The following JPH1 variants were observed in gnomAD, a reference collection of about 807,000 sequenced individuals.
The protein encoded by JPH1 is junctophilin 1.
JPH1 carries 12 observed loss-of-function variants against 53.6 expected under a neutral mutation model. That is an observed-to-expected ratio of 0.22 (90% confidence interval 0.14 to 0.36). The LOEUF (loss-of-function observed/expected upper bound fraction) is 0.36. JPH1 is among the 10% of genes least tolerant of loss of function. JPH1 has a pLI of 1.00. For missense variants in JPH1, 808 were observed against 905.5 expected, an observed-to-expected ratio of 0.89 and a Z score of 1.38; for synonymous variants, 375 against 363.8, an observed-to-expected ratio of 1.03 and a Z score of -0.35.
chr8:74,287,696 G>A (rs186773670), intron 2 of JPH1, among the ~76,000 whole-genome samples: 13 of 151,104 alleles, frequency 8.6e-5, no homozygotes, highest in Admixed American at 2.0e-4. Context: ...GGCAGAAAGC[G>A]GAGACTTTTA....
At chr8:74,255,125 C>T (rs1177427278) in intron 3 of JPH1, among the ~76,000 whole-genome samples, 17 of 152,096 alleles carry the variant, frequency 1.1e-4, no homozygotes, top group East Asian at 5.8e-4. Flanking sequence ...GGAGGCATCA[C>T]GCTACCTGAC....
In JPH1 at chr8:74,315,307, G is replaced by T. The variant is rs764102588; in HGVS notation, c.693C>A (p.Ser231=). 2 of 1,613,938 alleles carry T rather than the reference G, an allele frequency of 1.2e-6. No individual in the cohort carries two copies. Among genetic ancestry groups the T allele is most frequent in the Non-Finnish European group, 1.7e-6 (2 of 1,180,030 alleles). Residue 231 remains serine (S), a synonymous_variant, in exon 2 of 6, where the codon TCC becomes TCA. Coordinates refer to ENST00000342232, the MANE Select transcript of JPH1 (RefSeq NM_020647.4). The surrounding 1 kb of genome is among the most constrained non-coding windows in gnomAD (Gnocchi z 6.3). ...GGACAGAGCTGCGCTTGCTCGAGAT[G>T]GAAGACTTGGATTCGGACTTGCGAA... The part of the protein sequence containing the change: ...MKLRKSESKS[S]ISSKRSSVRS...
In JPH1 at chr8:74,278,956, C is replaced by G. The variant is rs190656395; in HGVS notation, c.1140-19453G>C. ...TGTAAATTATGAAGCAAGACAGACACACACACACACAGAAACACACACGCA... is the reference window on the plus strand; with the variant it reads ...TGTAAATTATGAAGCAAGACAGACAGACACACACACAGAAACACACACGCA... On this transcript the variant is annotated intron_variant, in intron 2 of 5. Transcript: ENST00000342232. Among the ~76,000 whole-genome samples, 636 of 150,694 alleles carry G rather than the reference C, an allele frequency of 4.2e-3. 7 individuals carry two copies. Among genetic ancestry groups the G allele is most frequent in the African/African-American group, 0.015 (612 of 40,624 alleles).
At chr8:74,245,229 AT>A in intron 3 of JPH1, 54 bp from the exon 4 acceptor site, 1 of 1,452,388 alleles carries the variant, frequency 6.9e-7, no homozygotes, top group African/African-American at 1.4e-5. Flanking sequence ...ATATACATAT[AT>A]TTTGCTAAAT....
intron 2 of JPH1, among the ~76,000 whole-genome samples, chr8:74,296,597 A>C (rs1346458907): frequency 6.6e-6 from 1 of 152,252 alleles, no homozygotes; most frequent in Non-Finnish European, 1.5e-5. Context: ...TCAAAATGTC[A>C]TGAGAAAATC....
At chr8:74,276,781 T>C (rs1806861443) in intron 2 of JPH1, among the ~76,000 whole-genome samples, 1 of 152,218 alleles carries the variant, frequency 6.6e-6, no homozygotes, top group Non-Finnish European at 1.5e-5. Flanking sequence ...ATTCTGTCTG[T>C]AAATCCTTGG....
chr8:74,291,284 A>G (rs1437081409), intron 2 of JPH1, among the ~76,000 whole-genome samples: 1 of 152,232 alleles, frequency 6.6e-6, no homozygotes, highest in Non-Finnish European at 1.5e-5. Flanking sequence ...CAAATTTACA[A>G]GAAAAAATCA....
chr8:74,313,720 T>C (rs1200387351), intron 2 of JPH1, among the ~76,000 whole-genome samples: 1 of 152,114 alleles, frequency 6.6e-6, no homozygotes, highest in African/African-American at 2.4e-5. Flanking sequence ...CATGCTAACA[T>C]TTTGTGGTTT....
chr8:74,302,809 C>T (rs1807720868), intron 2 of JPH1, among the ~76,000 whole-genome samples: 1 of 152,160 alleles, frequency 6.6e-6, no homozygotes, highest in South Asian at 2.1e-4. Context: ...CTTTTAATGA[C>T]AGGTTTTGTT....
At chr8:74,313,974 G>A (rs2131464025) in intron 2 of JPH1, among the ~76,000 whole-genome samples, 2 of 152,164 alleles carry the variant, frequency 1.3e-5, no homozygotes, top group African/African-American at 4.8e-5. Context: ...CTGGATCCCT[G>A]AAACCAGCTA....
chr8:74,276,289 G>A (rs534364371), intron 2 of JPH1, among the ~76,000 whole-genome samples: 3 of 152,330 alleles, frequency 2.0e-5, no homozygotes, highest in East Asian at 3.9e-4. Context: ...ATAGGACCGT[G>A]CTCCACTCAT....
chr8:74,251,488 C>A (rs1398757873), intron 3 of JPH1, among the ~76,000 whole-genome samples: 2 of 152,192 alleles, frequency 1.3e-5, no homozygotes, highest in Admixed American at 6.5e-5. Context: ...GGTTTCTGTG[C>A]ATGTACACAG....
chr8:74,259,361 C>T (rs1806324726), intron 3 of JPH1, 24 bp downstream of exon 3: 4 of 1,537,450 alleles, frequency 2.6e-6, no homozygotes, highest in Non-Finnish European at 2.7e-6. Flanking sequence ...TCCTGCCTCA[C>T]CCATCAAAGG....
chr8:74,273,658 A>G (rs1056427439), intron 2 of JPH1, among the ~76,000 whole-genome samples: 5 of 152,236 alleles, frequency 3.3e-5, no homozygotes, highest in Admixed American at 3.3e-4. Context: ...CATGGCTTAA[A>G]AATGTCTCCT....
intron 2 of JPH1, among the ~76,000 whole-genome samples, chr8:74,295,086 G>GC (rs1263439206): frequency 1.3e-5 from 2 of 152,180 alleles, no homozygotes; most frequent in Non-Finnish European, 2.9e-5. Flanking sequence ...ACAAATGAGA[G>GC]CTCCTAATCC....
At chr8:74,250,409 A>G (rs1806010782) in intron 3 of JPH1, among the ~76,000 whole-genome samples, 1 of 152,208 alleles carries the variant, frequency 6.6e-6, no homozygotes, top group African/African-American at 2.4e-5. Context: ...CTGGGATTAC[A>G]GGCATGAGCC....
intron 2 of JPH1, among the ~76,000 whole-genome samples, chr8:74,299,499 G>A (rs950185588): frequency 6.6e-6 from 1 of 152,098 alleles, no homozygotes; most frequent in Non-Finnish European, 1.5e-5. Flanking sequence ...GGCAAATGAC[G>A]AGCTGTAGCC....
At chr8:74,254,552 G>A (rs1268225086) in intron 3 of JPH1, among the ~76,000 whole-genome samples, 3 of 152,038 alleles carry the variant, frequency 2.0e-5, no homozygotes, top group Non-Finnish European at 4.4e-5. Flanking sequence ...AGGGCAATCA[G>A]GCAGGAGAAA....
chr8:74,272,323 A>G (rs1806722808), intron 2 of JPH1, among the ~76,000 whole-genome samples: 2 of 152,180 alleles, frequency 1.3e-5, no homozygotes, highest in Admixed American at 6.5e-5. Context: ...TCTAAATATC[A>G]TGTTCACTCT....
Sources: allele counts gnomAD v4.1 joint callset (sites outside exome capture counted in the v4.1 genomes callset), GRCh38; gene constraint gnomAD v4.1.1; non-coding constraint Gnocchi (gnomAD v3.1); transcripts MANE v1.5; gene names NCBI Gene and HGNC (gene_info 2026-07-23, HGNC 2026-07-21).